ISM1: variants seen among roughly 807,000 people sequenced by gnomAD.
The protein encoded by ISM1 is isthmin-1.
In ISM1, 25 loss-of-function variants were observed where a neutral mutation model predicts 46.3. The observed-to-expected ratio is 0.54, with a 90% CI of 0.39 to 0.75. ISM1 has a LOEUF of 0.75. Among genes scored for constraint, ISM1 ranks in the 30% least tolerant of loss-of-function variants. The pLI is 0.00. For synonymous variants in ISM1, 255 were observed against 256.7 expected (o/e 0.99, Z 0.06); for missense variants, 536 against 625.4 (o/e 0.86, Z 1.52).
intron 1 of ISM1, among the ~76,000 whole-genome samples, chr20:13,250,095 T>A (rs1446754775): frequency 3.9e-5 from 6 of 152,124 alleles, no homozygotes; most frequent in Non-Finnish European, 8.8e-5. Context: ...TTTTCTACCT[T>A]AACAAAGAAA....
intron 1 of ISM1, among the ~76,000 whole-genome samples, chr20:13,242,366 GT>G (rs1355606672): frequency 2.0e-5 from 3 of 152,154 alleles, no homozygotes; most frequent in Non-Finnish European, 2.9e-5. Flanking sequence ...TGTTTGTTCA[GT>G]TTTTGTTTTT....
intron 1 of ISM1, among the ~76,000 whole-genome samples, chr20:13,250,512 G>A (rs1320175937): frequency 6.6e-6 from 1 of 152,188 alleles, no homozygotes; most frequent in Non-Finnish European, 1.5e-5. Flanking sequence ...AGTTAAGCAT[G>A]CCAGGCAGCT....
chr20:13,306,564 C>CAAAAAAAAAAAAAAAAAAAAAAAAAGAA, the ISM1 span, among the ~76,000 whole-genome samples: 1 of 63,914 alleles, frequency 1.6e-5, no homozygotes, highest in East Asian at 5.3e-4. Flanking sequence ...GGAGAAAGGA[C>CAAAAAAAAAAAAAAAAAAAAAAAAAGAA]AAAAAAAAAA....
Position 13,285,608 on chromosome 20 carries a change from T to G in ISM1, c.644-2932T>G, listed in dbSNP as rs572322657. ...GCACGGGCACTTTGTATACCTCAGC[T>G]GGCATCCTATTTGCTATTATCCCAT... On this transcript the variant is annotated intron_variant, in intron 3 of 5. Coordinates refer to ENST00000262487, the MANE Select transcript of ISM1 (RefSeq NM_080826.2). Among the ~76,000 whole-genome samples, 5 of 152,324 alleles carry G rather than the reference T, an allele frequency of 3.3e-5. No homozygotes were observed. The East Asian group carries it at 7.7e-4, about 24-fold the overall frequency.
At chr20:13,263,061 G>A (rs1268862822) in intron 1 of ISM1, among the ~76,000 whole-genome samples, 1 of 152,138 alleles carries the variant, frequency 6.6e-6, no homozygotes, top group Admixed American at 6.5e-5. Flanking sequence ...TGTCGTCAGA[G>A]TGCCCAGCAA....
At chr20:13,255,718 A>T (rs982855640) in intron 1 of ISM1, among the ~76,000 whole-genome samples, 24 of 152,180 alleles carry the variant, frequency 1.6e-4, no homozygotes, top group African/African-American at 5.8e-4. Flanking sequence ...CACTTCCTTC[A>T]TTCTCAACTT....
At chr20:13,274,552 C>T (rs886599008) in intron 2 of ISM1, among the ~76,000 whole-genome samples, 1 of 152,214 alleles carries the variant, frequency 6.6e-6, no homozygotes, top group African/African-American at 2.4e-5. Context: ...CCTCCCCACC[C>T]CTTCAGGCTC....
chr20:13,265,959 G>A (rs2040038288), intron 1 of ISM1, among the ~76,000 whole-genome samples: 1 of 152,134 alleles, frequency 6.6e-6, no homozygotes, highest in South Asian at 2.1e-4. Flanking sequence ...TCCATCCTCA[G>A]GCCTGCCAGC....
chr20:13,266,102 A>C (rs934060499), intron 1 of ISM1, among the ~76,000 whole-genome samples: 1 of 152,154 alleles, frequency 6.6e-6, no homozygotes, highest in African/African-American at 2.4e-5. Flanking sequence ...CTTACTCCTC[A>C]TGGGGCAGAA....
chr20:13,263,580 G>C (rs1254093620), intron 1 of ISM1, among the ~76,000 whole-genome samples: 1 of 152,110 alleles, frequency 6.6e-6, no homozygotes, highest in African/African-American at 2.4e-5. Context: ...AATACCACTA[G>C]TGGCATTCTT....
In ISM1 at chr20:13,239,288, G is replaced by C. The variant is rs139190548; in HGVS notation, c.138+17374G>C. On this transcript the variant is annotated intron_variant, in intron 1 of 5. Coordinates refer to ENST00000262487, the MANE Select transcript of ISM1 (RefSeq NM_080826.2). Reference sequence around the variant, plus strand: ...TTGCCCTGAAACTCTGTCTGGTGTGGTTCTCTCATGCCCCACAATGGTTCT... The same window carrying C: ...TTGCCCTGAAACTCTGTCTGGTGTGCTTCTCTCATGCCCCACAATGGTTCT... 3.8e-3 allele frequency among the ~76,000 whole-genome samples: 582 copies of C among 152,304 alleles called. 5 individuals are homozygous for C. The highest frequency in any genetic ancestry group is 0.017 in the Middle Eastern group (5 of 294).
At chr20:13,262,983 CA>C (rs2040004547) in intron 1 of ISM1, among the ~76,000 whole-genome samples, 1 of 152,192 alleles carries the variant, frequency 6.6e-6, no homozygotes, top group Non-Finnish European at 1.5e-5. Context: ...GCTCCATTCC[CA>C]AACCAGGACT....
At chr20:13,236,012 C>G (rs532726293) in intron 1 of ISM1, among the ~76,000 whole-genome samples, 1 of 151,994 alleles carries the variant, frequency 6.6e-6, no homozygotes, top group Non-Finnish European at 1.5e-5. Flanking sequence ...GCAACCTCCA[C>G]CTCCTGGGTT....
At chr20:13,319,230 A>AT in the ISM1 span, among the ~76,000 whole-genome samples, 1 of 152,212 alleles carries the variant, frequency 6.6e-6, no homozygotes, top group Non-Finnish European at 1.5e-5. Context: ...AAGAAAAAAA[A>AT]AAACACTAAT....
At chr20:13,259,367 T>G (rs774987868) in intron 1 of ISM1, among the ~76,000 whole-genome samples, 3 of 151,474 alleles carry the variant, frequency 2.0e-5, no homozygotes, top group Non-Finnish European at 4.4e-5. Context: ...TTTCCCACTT[T>G]CTACTTTGCA....
At chr20:13,271,768 C>T (rs974173097) in intron 2 of ISM1, among the ~76,000 whole-genome samples, 8 of 152,176 alleles carry the variant, frequency 5.3e-5, no homozygotes, top group African/African-American at 1.7e-4. Flanking sequence ...CTCTCGTCCT[C>T]ATATGCCTGC....
At chr20:13,228,847 T>C (rs2039557639) in intron 1 of ISM1, among the ~76,000 whole-genome samples, 1 of 152,238 alleles carries the variant, frequency 6.6e-6, no homozygotes, top group African/African-American at 2.4e-5. Context: ...TTTATTTCTG[T>C]TGTTTAATTG....
At chr20:13,272,720 A>T (rs2040129860) in intron 2 of ISM1, among the ~76,000 whole-genome samples, 1 of 152,212 alleles carries the variant, frequency 6.6e-6, no homozygotes, top group Non-Finnish European at 1.5e-5. Context: ...CTCTCCAGGG[A>T]CTGGCCACGT....
chr20:13,298,687 G>A (rs6134841), intron 5 of ISM1, among the ~76,000 whole-genome samples: 16,523 of 152,114 alleles, frequency 0.11, 1,061 homozygotes, highest in East Asian at 0.35. Context: ...ATAAAGTGGG[G>A]CATTTGGAGG....
Sources: allele counts gnomAD v4.1 joint callset (sites outside exome capture counted in the v4.1 genomes callset), GRCh38; gene constraint gnomAD v4.1.1; transcripts MANE v1.5; gene names NCBI Gene and HGNC (gene_info 2026-07-23, HGNC 2026-07-21).